Variants in BANK1 observed in about 807,000 individuals in gnomAD.
The protein encoded by BANK1 is B-cell scaffold protein with ankyrin repeats.
BANK1 carries 95 observed loss-of-function variants against 94.5 expected under a neutral mutation model. That is an observed-to-expected ratio of 1.00 (90% confidence interval 0.85 to 1.19). The LOEUF (loss-of-function observed/expected upper bound fraction) is 1.19, where lower values mean the gene tolerates loss of function less well. Ranked by LOEUF, BANK1 falls within the 50% of genes most tolerant of loss-of-function variation. The probability of loss-of-function intolerance (pLI) is 0.00; values close to 1 mark genes in which losing one functional copy is unlikely to be tolerated. For synonymous variants in BANK1, 334 were observed against 308.4 expected (o/e 1.08, Z -0.87); for missense variants, 987 against 932.2 (o/e 1.06, Z -0.77).
rs191972964 is a variant in BANK1, at chr4:101,903,095, G to A, written c.1009+7685G>A. Among the ~76,000 whole-genome samples the A allele has an allele frequency of 2.7e-3, 410 of 152,260 alleles. 1 individual carries two copies. The highest frequency in any genetic ancestry group is 4.6e-3 in the Non-Finnish European group (316 of 68,010). On this transcript the variant is annotated intron_variant, in intron 6 of 16. Transcript: ENST00000322953. Reference sequence around the variant, plus strand: ...TGCTTTTTGAGCTGAAGTATAGGGCGTCTGGAAAACTTTACTTTTTGAGCC... The same window carrying A: ...TGCTTTTTGAGCTGAAGTATAGGGCATCTGGAAAACTTTACTTTTTGAGCC...
intron 7 of BANK1, among the ~76,000 whole-genome samples, chr4:101,995,105 C>G (rs1465401891): frequency 6.6e-6 from 1 of 152,084 alleles, no homozygotes; most frequent in East Asian, 1.9e-4. Flanking sequence ...CCTAACCCCC[C>G]ACCACCTGAC....
chr4:101,971,364 A>G (rs1033577586), intron 7 of BANK1, among the ~76,000 whole-genome samples: 3 of 152,128 alleles, frequency 2.0e-5, no homozygotes, highest in African/African-American at 7.2e-5. Flanking sequence ...GACATATGGT[A>G]AGACTTGAGA....
chr4:101,901,460 G>A (rs1560623963), intron 6 of BANK1, among the ~76,000 whole-genome samples: 1 of 152,140 alleles, frequency 6.6e-6, no homozygotes, highest in Non-Finnish European at 1.5e-5. Context: ...TTCATTTGCT[G>A]TATACCTTTT....
chr4:101,971,197 T>C (rs1724940192), intron 7 of BANK1, among the ~76,000 whole-genome samples: 1 of 152,122 alleles, frequency 6.6e-6, no homozygotes, highest in Admixed American at 6.6e-5. Context: ...ATTAAATATA[T>C]TAGGGTGAAA....
intron 7 of BANK1, among the ~76,000 whole-genome samples, chr4:101,950,044 TGTGTGTGTGTGTGTGTGC>T (rs757540657): frequency 1.2e-5 from 1 of 83,194 alleles, no homozygotes; most frequent in East Asian, 2.7e-4. Flanking sequence ...TGTGTGTGTG[TGTGTGTGTGTGTGTGTGC>T]GCGTGCGCGC....
intron 10 of BANK1, among the ~76,000 whole-genome samples, chr4:102,034,451 A>G (rs1727432138): frequency 6.6e-6 from 1 of 152,242 alleles, no homozygotes; most frequent in South Asian, 2.1e-4. Flanking sequence ...TAAATGAGAT[A>G]AAATTAGAAA....
chr4:101,994,178 C>G (rs1237102622), intron 7 of BANK1, among the ~76,000 whole-genome samples: 1 of 152,126 alleles, frequency 6.6e-6, no homozygotes, highest in African/African-American at 2.4e-5. Context: ...TTTTCAGAGA[C>G]TTTAACAAAA....
In BANK1 at chr4:101,872,109, T is replaced by A. The variant is rs549548595; in HGVS notation, c.903+1465T>A. Among the ~76,000 whole-genome samples, 3 of 152,174 alleles carry A rather than the reference T, an allele frequency of 2.0e-5. No homozygotes were observed. In the East Asian group the frequency reaches 5.8e-4, roughly 29 times the overall value. ...TCTCTACCACCAAGCTCTGGCGGCC[T>A]GTAGAAGGGAGAATGTTGGGCAGGC... On this transcript the variant is annotated intron_variant, in intron 5 of 16. Transcript: ENST00000322953.
intron 11 of BANK1, among the ~76,000 whole-genome samples, chr4:102,048,984 G>T (rs569624833): frequency 2.0e-5 from 3 of 152,164 alleles, no homozygotes; most frequent in African/African-American, 7.2e-5. Flanking sequence ...TCCCAATTTG[G>T]ATTTGAAATT....
chr4:101,803,802 C>A (rs1312931892), intron 1 of BANK1, among the ~76,000 whole-genome samples: 3 of 150,732 alleles, frequency 2.0e-5, no homozygotes, highest in Non-Finnish European at 3.0e-5. Context: ...TCGAGACCAT[C>A]CCGGCTAAAA....
intron 2 of BANK1, among the ~76,000 whole-genome samples, chr4:101,837,899 C>T (rs2148866418): frequency 6.6e-6 from 1 of 150,488 alleles, no homozygotes; most frequent in East Asian, 2.0e-4. Context: ...TCTCCCTCTC[C>T]CTCTCCCCCT....
chr4:101,814,937 G>C (rs1725851507), intron 1 of BANK1, among the ~76,000 whole-genome samples: 1 of 152,128 alleles, frequency 6.6e-6, no homozygotes, highest in East Asian at 1.9e-4. Context: ...ACACTTTTCA[G>C]CATAAGAGTT....
At chr4:101,836,947 A>T (rs1460040920) in intron 2 of BANK1, among the ~76,000 whole-genome samples, 1 of 152,076 alleles carries the variant, frequency 6.6e-6, no homozygotes, top group Non-Finnish European at 1.5e-5. Context: ...TTTCTCATCC[A>T]TTGGCCTAGA....
intron 13 of BANK1, among the ~76,000 whole-genome samples, chr4:102,069,176 C>T (rs1728681349): frequency 6.6e-6 from 1 of 152,142 alleles, no homozygotes; most frequent in African/African-American, 2.4e-5. Flanking sequence ...TATGGTATTG[C>T]ACTGGAATTG....
At chr4:102,022,392 C>G (rs1049096935) in intron 8 of BANK1, among the ~76,000 whole-genome samples, 2 of 152,104 alleles carry the variant, frequency 1.3e-5, no homozygotes, top group Admixed American at 6.6e-5. Context: ...ATCAGTCTTA[C>G]AATACTGTTG....
rs542008297 is a variant in BANK1 at position 101,815,717 on chromosome 4, T to C, written c.71-14091T>C. ...ATACTTTAAGTACTCTGTTAAGGAG[T>C]TGCCACCAGAGCTCTAGACATGTTT... is the stretch of plus-strand genomic sequence containing the variant. On this transcript the variant is annotated intron_variant, in intron 1 of 16. Transcript: ENST00000322953. Among the ~76,000 whole-genome samples the C allele has an allele frequency of 6.6e-5, 10 of 152,178 alleles. No individual in the cohort carries two copies. The South Asian group carries it at 1.2e-3, about 19-fold the overall frequency.
intron 5 of BANK1, among the ~76,000 whole-genome samples, chr4:101,876,872 A>G (rs533808219): frequency 1.3e-5 from 2 of 152,320 alleles, no homozygotes; most frequent in South Asian, 4.1e-4. Flanking sequence ...AAGAGTAAGG[A>G]GAAATTCTGG....
At chr4:102,025,690 A>T (rs920109121) in intron 9 of BANK1, among the ~76,000 whole-genome samples, 181 bp downstream of exon 9, 8 of 151,978 alleles carry the variant, frequency 5.3e-5, no homozygotes, top group Non-Finnish European at 8.8e-5. Flanking sequence ...ACCTACCTCT[A>T]CCTTGTTCTT....
At chr4:101,855,580 C>T (rs1727651038) in intron 3 of BANK1, among the ~76,000 whole-genome samples, 2 of 152,122 alleles carry the variant, frequency 1.3e-5, no homozygotes, top group African/African-American at 4.8e-5. Context: ...TATATGGAAG[C>T]TTAATTTTAT....
Sources: allele counts gnomAD v4.1 joint callset (sites outside exome capture counted in the v4.1 genomes callset), GRCh38; gene constraint gnomAD v4.1.1; transcripts MANE v1.5; gene names NCBI Gene and HGNC (gene_info 2026-07-23, HGNC 2026-07-21).